The following UHMK1 variants were observed in gnomAD, a reference collection of about 807,000 sequenced individuals.
UHMK1 encodes U2AF homology motif kinase 1.
Under a neutral mutation model 44.0 loss-of-function variants are expected in UHMK1, and 18 were observed. The observed-to-expected ratio is 0.41, with a 90% confidence interval of 0.28 to 0.61. The LOEUF (loss-of-function observed/expected upper bound fraction) is 0.61. Ranked by LOEUF, UHMK1 falls within the 20% of genes least tolerant of loss-of-function variation. The probability of loss-of-function intolerance (pLI) is 0.31; values close to 1 mark genes in which losing one functional copy is unlikely to be tolerated. For synonymous variants in UHMK1, 231 were observed against 198.5 expected (o/e 1.16, Z -1.38); for missense variants, 463 against 522.5 (o/e 0.89, Z 1.11).
At chr1:162,505,277 C>T (rs1329614726) in intron 4 of UHMK1, among the ~76,000 whole-genome samples, 1 of 152,152 alleles carries the variant, frequency 6.6e-6, no homozygotes, top group Non-Finnish European at 1.5e-5. Context: ...GGAATGTCTG[C>T]AGGGGCAGTA....
intron 4 of UHMK1, among the ~76,000 whole-genome samples, chr1:162,509,610 C>T (rs1003982523): frequency 6.6e-6 from 1 of 152,140 alleles, no homozygotes. Flanking sequence ...GCAAATCTTA[C>T]AACTATTGAT....
Position 162,501,107 on chromosome 1 carries a change from A to G in UHMK1, c.753+3A>G. 6.2e-7 allele frequency: 1 copy of G among 1,613,584 alleles called. No individual in the cohort carries two copies. The highest frequency in any genetic ancestry group is 8.5e-7 in the Non-Finnish European group (1 of 1,179,814). On this transcript the variant is annotated splice_donor_region_variant and intron_variant, in intron 3 of 7. Coordinates refer to ENST00000489294, the MANE Select transcript of UHMK1 (RefSeq NM_175866.5). ...CAGTCAGATCTCAGGAATGGAAGGT[A>G]AACTTCACCAGTGCTTTGCTTTGGG...
Position 162,522,667 on chromosome 1 carries a change from T to C in UHMK1, c.*117T>C, listed in dbSNP as rs888017862. 8.4e-7 allele frequency: 1 copy of C among 1,197,476 alleles called. No individual in the cohort carries two copies. Among genetic ancestry groups the C allele is most frequent in the African/African-American group, 1.5e-5 (1 of 64,844 alleles). The allele number at this position is 1,197,476 out of a possible 1,614,324, so 74.2% of individuals were successfully genotyped here. A position where few individuals can be genotyped will look rare whatever the true frequency, so the allele number is the denominator to read the frequency against. On this transcript the variant is annotated 3_prime_UTR_variant, in exon 8 of 8. Coordinates refer to ENST00000489294, the MANE Select transcript of UHMK1 (RefSeq NM_175866.5). ...GAAGGTACTTTATACATTTATTTAA[T>C]CCTACTAATGTGCAGCCATTGCCCA...
intron 1 of UHMK1, 59 bp downstream of exon 1, chr1:162,498,327 C>A: frequency 6.6e-7 from 1 of 1,510,266 alleles, no homozygotes. Context: ...CACACTCTTC[C>A]TCTCGCTGTC....
At chr1:162,514,287 T>C (rs7528772) in intron 6 of UHMK1, among the ~76,000 whole-genome samples, 68,403 of 149,436 alleles carry the variant, frequency 0.46, 15,589 homozygotes, top group East Asian at 0.47. Context: ...AGACCATCTC[T>C]GGAAAAAAAA....
At chr1:162,509,242 C>A (rs985372492) in intron 4 of UHMK1, among the ~76,000 whole-genome samples, 3 of 152,056 alleles carry the variant, frequency 2.0e-5, no homozygotes, top group Non-Finnish European at 4.4e-5. Flanking sequence ...GATCTCCTGG[C>A]TCTTCTCTTC....
rs115772143 is a variant in UHMK1 at position 162,503,086 on chromosome 1, G to A, written c.754-668G>A. On this transcript the variant is annotated intron_variant, in intron 3 of 7. Transcript: ENST00000489294. ...TTTAATACTGCATCATATTCGCTTTGATAGTTTATTTCTGCCTGAAAACCA... is the reference window on the plus strand; with the variant it reads ...TTTAATACTGCATCATATTCGCTTTAATAGTTTATTTCTGCCTGAAAACCA... 4.2e-3 allele frequency among the ~76,000 whole-genome samples: 637 copies of A among 152,244 alleles called. 3 individuals carry two copies. The highest frequency in any genetic ancestry group is 7.2e-3 in the Non-Finnish European group (492 of 68,002).
chr1:162,509,693 G>A (rs1651601184), intron 4 of UHMK1, among the ~76,000 whole-genome samples: 1 of 152,204 alleles, frequency 6.6e-6, no homozygotes, highest in Admixed American at 6.5e-5. Flanking sequence ...CCAGGCTGGA[G>A]TGCAGTGGCA....
chr1:162,498,803 C>T (rs913037242), intron 1 of UHMK1, among the ~76,000 whole-genome samples: 4 of 152,200 alleles, frequency 2.6e-5, no homozygotes, highest in African/African-American at 9.7e-5. Context: ...TTTCAAGAAT[C>T]AGATACTCAG....
chr1:162,514,597 T>C (rs1478129144), intron 6 of UHMK1, among the ~76,000 whole-genome samples: 1 of 152,178 alleles, frequency 6.6e-6, no homozygotes, highest in African/African-American at 2.4e-5. Flanking sequence ...AAATATTTAT[T>C]GTAGGAAGGA....
chr1:162,522,544 G>A lies in UHMK1; in HGVS notation c.1254G>A (p.Leu418=). 6.2e-7 allele frequency: 1 copy of A among 1,613,482 alleles called. No homozygotes were observed. Among genetic ancestry groups the A allele is most frequent in the Non-Finnish European group, 8.5e-7 (1 of 1,179,850 alleles). The change falls in exon 8 of 8, where the codon TTG becomes TTA. Residue 418 remains leucine (L), a synonymous_variant. Transcript: ENST00000489294. ...AGAGGGGATATCTGTATCAAACCTTGCTTTAATCAGTAACCTAAGGACTGT... is the reference window on the plus strand; with the variant it reads ...AGAGGGGATATCTGTATCAAACCTTACTTTAATCAGTAACCTAAGGACTGT... The part of the protein sequence containing the change: ...AYKRGYLYQT[L]L
chr1:162,503,918 C>G (rs1014377747), intron 4 of UHMK1, 70 bp downstream of exon 4: 2 of 1,150,478 alleles, frequency 1.7e-6, no homozygotes, highest in Non-Finnish European at 2.5e-6. Flanking sequence ...TTTTTTTTCT[C>G]TGAACAGATT....
chr1:162,501,691 T>A (rs1177784405), intron 3 of UHMK1, among the ~76,000 whole-genome samples: 1 of 152,236 alleles, frequency 6.6e-6, no homozygotes, highest in East Asian at 1.9e-4. Flanking sequence ...GTGGTTTCTT[T>A]TGTTTACTAA....
chr1:162,502,679 T>G (rs867200320), intron 3 of UHMK1, among the ~76,000 whole-genome samples: 1 of 152,190 alleles, frequency 6.6e-6, no homozygotes, highest in South Asian at 2.1e-4. Flanking sequence ...TAAAACGCTA[T>G]TTTTCTGTTT....
chr1:162,503,184 T>G (rs754303626), intron 3 of UHMK1, among the ~76,000 whole-genome samples: 1 of 152,198 alleles, frequency 6.6e-6, no homozygotes, highest in Non-Finnish European at 1.5e-5. Context: ...TACATTCTTA[T>G]GTGGTTACTT....
intron 7 of UHMK1, among the ~76,000 whole-genome samples, chr1:162,521,087 A>G (rs1201790909): frequency 1.3e-5 from 2 of 152,212 alleles, no homozygotes; most frequent in South Asian, 2.1e-4. Flanking sequence ...GAAAATGTCC[A>G]TTACCTAGTT....
In UHMK1 at chr1:162,499,986, T is replaced by G. The variant is rs748963730; in HGVS notation, c.300T>G (p.Phe100Leu). 1 of 1,614,226 alleles carries G rather than the reference T, an allele frequency of 6.2e-7. No individual in the cohort carries two copies. Among genetic ancestry groups the G allele is most frequent in the Non-Finnish European group, 8.5e-7 (1 of 1,180,046 alleles). ...TGTATGGAGTGTTTACAATCCACTTTTCTCCAAATGTGCCATCACGCTGTC... is the reference window on the plus strand; with the variant it reads ...TGTATGGAGTGTTTACAATCCACTTGTCTCCAAATGTGCCATCACGCTGTC... ...VTLYGVFTIHFSPNVPSRCLL... is the reference protein window; with the variant it reads ...VTLYGVFTIHLSPNVPSRCLL... Residue 100 changes from phenylalanine (F) to leucine (L), a missense_variant, in exon 2 of 8, where the codon TTT becomes TTG. Coordinates refer to ENST00000489294, the MANE Select transcript of UHMK1 (RefSeq NM_175866.5).
intron 7 of UHMK1, among the ~76,000 whole-genome samples, chr1:162,520,163 G>A (rs931495965): frequency 7.2e-5 from 11 of 152,126 alleles, no homozygotes; most frequent in African/African-American, 2.7e-4. Context: ...CTAAGTGCTG[G>A]GATTAAAGGC....
At position 162,524,359 on chromosome 1, in the gene UHMK1, T is replaced by TG. The variant is rs1188926034; in HGVS notation, c.*1810dup. The stretch of plus-strand genomic sequence containing the variant: ...TGATTTATGAATTACCAAAGGGTCT[T>TG]GTGGCATGTTCCCCAATACATGCCC... On this transcript the variant is annotated 3_prime_UTR_variant, in exon 8 of 8. Transcript: ENST00000489294. 3 of 152,378 alleles carry TG rather than the reference T, an allele frequency of 2.0e-5. No individual in the cohort carries two copies. Among genetic ancestry groups the TG allele is most frequent in the African/African-American group, 7.2e-5 (3 of 41,594 alleles). The allele number at this position is 152,378 out of a possible 1,614,324, so 9.4% of individuals were successfully genotyped here. A position where few individuals can be genotyped will look rare whatever the true frequency, so the allele number is the denominator to read the frequency against.
Sources: allele counts gnomAD v4.1 joint callset (sites outside exome capture counted in the v4.1 genomes callset), GRCh38; gene constraint gnomAD v4.1.1; transcripts MANE v1.5; gene names NCBI Gene and HGNC (gene_info 2026-07-23, HGNC 2026-07-21).